LPCAT2: variants seen among roughly 807,000 people sequenced by gnomAD.
The protein encoded by LPCAT2 is lysophosphatidylcholine acyltransferase 2, also known as 1-AGP acyltransferase 11.
A neutral mutation model predicts 64.7 loss-of-function variants in LPCAT2; 58 were observed. The ratio of observed to expected loss-of-function variants is 0.90; its 90% CI spans 0.73 to 1.12. The LOEUF is 1.12. Among genes scored for constraint, LPCAT2 ranks in the 50% most tolerant of loss-of-function variants. The pLI, the probability that LPCAT2 is intolerant of heterozygous loss-of-function variation, is 0.00. For missense variants in LPCAT2, 579 were observed against 669.8 expected (o/e 0.86, Z 1.50); for synonymous variants, 252 against 245.3 (o/e 1.03, Z -0.26).
intron 8 of LPCAT2, chr16:55,538,873 C>G (rs988777146): frequency 2.6e-5 from 4 of 151,942 alleles, no homozygotes; most frequent in East Asian, 1.9e-4. Flanking sequence ...AGATATCTCC[C>G]GGAACCAGTG....
intron 8 of LPCAT2, 169 bp from the exon 9 acceptor site, chr16:55,545,566 G>A (rs1246368141): frequency 7.9e-6 from 4 of 503,704 alleles, no homozygotes; most frequent in African/African-American, 2.0e-5. Context: ...CAGACCCAGG[G>A]CTTAGAAACA....
intron 13 of LPCAT2, among the ~76,000 whole-genome samples, chr16:55,580,155 C>T (rs1306004478): frequency 1.3e-5 from 2 of 152,120 alleles, no homozygotes; most frequent in African/African-American, 4.8e-5. Flanking sequence ...TGTTAACTTT[C>T]ATGGGATGGG....
intron 11 of LPCAT2, among the ~76,000 whole-genome samples, chr16:55,568,965 A>C (rs191700352): frequency 3.3e-5 from 5 of 152,204 alleles, no homozygotes; most frequent in Admixed American, 6.5e-5. Context: ...TCTGTCTGCT[A>C]TTTAATTGGT....
At chr16:55,563,170 A>T (rs1461817339) in intron 11 of LPCAT2, among the ~76,000 whole-genome samples, 2 of 151,956 alleles carry the variant, frequency 1.3e-5, no homozygotes, top group East Asian at 3.9e-4. Flanking sequence ...ACCAAGACTG[A>T]ATCATGAAGA....
intron 12 of LPCAT2, among the ~76,000 whole-genome samples, chr16:55,575,047 C>T (rs766735873): frequency 2.0e-5 from 3 of 152,164 alleles, no homozygotes; most frequent in Non-Finnish European, 4.4e-5. Flanking sequence ...TATAAATAAA[C>T]ACCACCTGTC....
Position 55,551,033 on chromosome 16 carries a change from A to G in LPCAT2, c.1146A>G (p.Glu382=), listed in dbSNP as rs375879329. 6.4e-5 allele frequency: 104 copies of G among 1,613,182 alleles called. No individual in the cohort carries two copies. The highest frequency in any genetic ancestry group is 8.4e-5 in the Non-Finnish European group (99 of 1,179,486). The change falls in exon 11 of 14, where the codon GAA becomes GAG. Residue 382 remains glutamate, a synonymous_variant. Transcript: ENST00000262134. ...SSSKGGRIGI[E]EFAKYLKLPV... is the part of the protein sequence containing the mutation. Reference sequence around the variant, plus strand: ...CAAAAGGAGGAAGAATTGGAATTGAAGAATTCGCCAAGTATTTAAAGTTGC... The same window carrying G: ...CAAAAGGAGGAAGAATTGGAATTGAGGAATTCGCCAAGTATTTAAAGTTGC...
At chr16:55,521,703 A>G (rs907322058) in intron 1 of LPCAT2, among the ~76,000 whole-genome samples, 1 of 151,798 alleles carries the variant, frequency 6.6e-6, no homozygotes, top group Non-Finnish European at 1.5e-5. Flanking sequence ...ATTTCAATGT[A>G]ATTCACCATA....
chr16:55,547,799 G>C (rs193195877), intron 9 of LPCAT2, among the ~76,000 whole-genome samples: 114 of 151,116 alleles, frequency 7.5e-4, no homozygotes, highest in Middle Eastern at 3.4e-3. Flanking sequence ...AGACAGTCTT[G>C]CTCTGTCACT....
At chr16:55,534,501 A>G (rs1201315632) in intron 7 of LPCAT2, 24 bp downstream of exon 7, 4 of 1,215,594 alleles carry the variant, frequency 3.3e-6, no homozygotes, top group African/African-American at 1.6e-5. Context: ...GTCTATTATT[A>G]GTTTATATAA....
intron 11 of LPCAT2, among the ~76,000 whole-genome samples, chr16:55,570,642 A>G (rs1294596032): frequency 2.0e-5 from 3 of 152,132 alleles, no homozygotes; most frequent in Admixed American, 2.0e-4. Flanking sequence ...GTATTAAACA[A>G]CTACCCGTAT....
chr16:55,562,167 C>A (rs144545039), intron 11 of LPCAT2, among the ~76,000 whole-genome samples: 2 of 151,936 alleles, frequency 1.3e-5, no homozygotes, highest in African/African-American at 4.8e-5. Flanking sequence ...CTCCCTTTAT[C>A]TCTCATCACT....
At chr16:55,510,435 G>T (rs774574439) in intron 1 of LPCAT2, among the ~76,000 whole-genome samples, 1 of 139,808 alleles carries the variant, frequency 7.2e-6, no homozygotes, top group African/African-American at 2.7e-5. Flanking sequence ...ACATTTGTCC[G>T]TGTGTTCTGC....
chr16:55,524,439 G>A (rs1162196333), intron 1 of LPCAT2, among the ~76,000 whole-genome samples: 1 of 151,908 alleles, frequency 6.6e-6, no homozygotes, highest in Non-Finnish European at 1.5e-5. Context: ...ATGACTTTCT[G>A]GGAGTGGTAA....
chr16:55,522,960 ACTT>A lies in LPCAT2; in HGVS notation c.172-2546_172-2544del, dbSNP rs1395944336. ...CATAAAATAAAAATTAATAAATTAA[ACTT>A]CATCATAATTAAAATTACTTTAATC... On this transcript the variant is annotated intron_variant, in intron 1 of 13. Transcript: ENST00000262134. Among the ~76,000 whole-genome samples, 3 of 151,844 alleles carry A rather than the reference ACTT, an allele frequency of 2.0e-5. No individual in the cohort carries two copies. In the East Asian group the frequency reaches 5.8e-4, roughly 29 times the overall value.
intron 1 of LPCAT2, among the ~76,000 whole-genome samples, chr16:55,518,779 A>G (rs1268415591): frequency 6.6e-6 from 1 of 152,220 alleles, no homozygotes. Context: ...AAATTAACTC[A>G]AAGCAGATCA....
intron 11 of LPCAT2, among the ~76,000 whole-genome samples, chr16:55,564,361 G>A (rs1467251230): frequency 1.3e-5 from 2 of 151,832 alleles, no homozygotes; most frequent in African/African-American, 2.4e-5. Context: ...AATTCATAGG[G>A]AATTTCAAGG....
rs370655061 is a variant in LPCAT2, at chr16:55,529,926, A to G, written c.621A>G (p.Thr207=). 10 of 1,610,702 alleles carry G rather than the reference A, an allele frequency of 6.2e-6. No homozygotes were observed. The highest frequency in any genetic ancestry group is 5.3e-5 in the African/African-American group (4 of 74,834). Residue 207 remains threonine (T), a synonymous_variant, in exon 4 of 14, where the codon ACA becomes ACG. Coordinates refer to ENST00000262134, the MANE Select transcript of LPCAT2 (RefSeq NM_017839.5). ...NTINEIIKRT[T]SGGEWPQILV... ...TAAATGAAATAATAAAGCGAACAACATCAGGAGGAGAATGGCCCCAGGTAA... is the reference window on the plus strand; with the variant it reads ...TAAATGAAATAATAAAGCGAACAACGTCAGGAGGAGAATGGCCCCAGGTAA...
intron 1 of LPCAT2, among the ~76,000 whole-genome samples, chr16:55,514,043 T>C (rs1596843783): frequency 2.0e-5 from 3 of 151,812 alleles, no homozygotes; most frequent in Admixed American, 2.0e-4. Flanking sequence ...TCTTAAAAAA[T>C]AAAAATAAAA....
intron 2 of LPCAT2, among the ~76,000 whole-genome samples, chr16:55,526,744 G>A (rs1490995993): frequency 6.6e-6 from 1 of 151,888 alleles, no homozygotes; most frequent in Non-Finnish European, 1.5e-5. Context: ...TATTGTCGGT[G>A]GCTTATGAAA....
Sources: gnomAD v4.1 joint callset for allele counts (sites outside exome capture counted in the v4.1 genomes callset) on GRCh38, gnomAD v4.1.1 for gene constraint, MANE v1.5 for transcripts, NCBI Gene and HGNC (gene_info 2026-07-23, HGNC 2026-07-21) for gene names.